HSPG2: variants seen among roughly 807,000 people sequenced by gnomAD.
HSPG2 encodes heparan sulfate proteoglycan 2.
A neutral mutation model predicts 526.6 loss-of-function variants in HSPG2; 278 were observed. The ratio of observed to expected loss-of-function variants is 0.53; its 90% CI spans 0.48 to 0.58. The LOEUF is 0.58. Ranked by LOEUF, HSPG2 falls within the 20% of genes least tolerant of loss-of-function variation. HSPG2 has a pLI of 0.00. For missense variants in HSPG2, 5,354 were observed against 6,099.5 expected (o/e 0.88, Z 4.07); for synonymous variants, 2,465 against 2,555.4 (o/e 0.96, Z 1.07).
intron 1 of HSPG2, among the ~76,000 whole-genome samples, chr1:21,912,697 T>C (rs1643740285): frequency 6.6e-6 from 1 of 152,148 alleles, no homozygotes; most frequent in African/African-American, 2.4e-5. Context: ...TTAATAATTA[T>C]TGCTGGGCGC....
At chr1:21,854,505 G>C (rs1639177090) in intron 49 of HSPG2, 106 bp downstream of exon 49, 1 of 1,455,320 alleles carries the variant, frequency 6.9e-7, no homozygotes, top group African/African-American at 1.4e-5. Flanking sequence ...TCTGCTGGTG[G>C]AACGTGTGGG....
In HSPG2 at chr1:21,843,367, G is replaced by A. The variant is rs146544218; in HGVS notation, c.8688C>T (p.Thr2896=). The stretch of plus-strand genomic sequence containing the variant: ...ATGCCTCCAGGGTGCCTGAGCTTCC[G>A]GTCACTTGGCACGAGTACTCGCCAG... ...ADSGEYSCQV[T]GSSGTLEASV... is the part of the protein sequence containing the mutation. Residue 2896 remains threonine (T), a synonymous_variant, in exon 66 of 97, where the codon ACC becomes ACT. Coordinates refer to ENST00000374695, the MANE Select transcript of HSPG2 (RefSeq NM_005529.7). 1.7e-5 allele frequency: 27 copies of A among 1,614,038 alleles called. No individual in the cohort carries two copies. The highest frequency in any genetic ancestry group is 8.9e-5 in the East Asian group (4 of 44,864).
At chr1:21,921,860 T>C (rs1462152155) in intron 1 of HSPG2, among the ~76,000 whole-genome samples, 1 of 152,100 alleles carries the variant, frequency 6.6e-6, no homozygotes, top group African/African-American at 2.4e-5. Context: ...CTGAGAGCAT[T>C]TACAGAGCCT....
At chr1:21,879,424 T>C (rs758263415) in intron 17 of HSPG2, among the ~76,000 whole-genome samples, 1 of 152,226 alleles carries the variant, frequency 6.6e-6, no homozygotes, top group Non-Finnish European at 1.5e-5. Flanking sequence ...CCGACACCTT[T>C]GCAGGGATTT....
rs1251904246 is a variant in HSPG2, at chr1:21,822,456, T to A, written c.*860A>T. ...GTCGTGAGTCCTGCCTTCCCCCACC[T>A]AAGGCACTAGCTCTTCCTGAGCACC... On this transcript the variant is annotated 3_prime_UTR_variant, in exon 97 of 97. Transcript: ENST00000374695. 1 of 521,828 alleles carries A rather than the reference T, an allele frequency of 1.9e-6. No homozygotes were observed. Among genetic ancestry groups the A allele is most frequent in the African/African-American group, 1.9e-5 (1 of 51,710 alleles). The allele number at this position is 521,828 out of a possible 1,614,324, so 32.3% of individuals were successfully genotyped here.
At position 21,859,432 on chromosome 1, in the gene HSPG2, T is replaced by C; in HGVS notation, c.5293+134A>G. On this transcript the variant is annotated intron_variant, in intron 42 of 96. Coordinates refer to ENST00000374695, the MANE Select transcript of HSPG2 (RefSeq NM_005529.7). The surrounding 1 kb of genome is among the most constrained non-coding windows in gnomAD (Gnocchi z 5.3). Reference sequence around the variant, plus strand: ...GTCTTGAATCTGCCACCTCTCCTCATCTCCATGGCTGCTGACCTTGTTCGG... The same window carrying C: ...GTCTTGAATCTGCCACCTCTCCTCACCTCCATGGCTGCTGACCTTGTTCGG... The C allele has an allele frequency of 1.4e-6, 1 of 722,018 alleles. No homozygotes were observed. The highest frequency in any genetic ancestry group is 2.7e-5 in the East Asian group (1 of 36,842). 44.7% of individuals were successfully genotyped at this position (722,018 alleles called of 1,614,324 possible).
At chr1:21,922,230 G>A (rs1317779792) in intron 1 of HSPG2, among the ~76,000 whole-genome samples, 1 of 152,212 alleles carries the variant, frequency 6.6e-6, no homozygotes, top group Admixed American at 6.5e-5. Context: ...GAGGCTCAGA[G>A]AGGCGAACTC....
intron 33 of HSPG2, chr1:21,869,508 G>A: frequency 1.0e-6 from 1 of 987,474 alleles, no homozygotes; most frequent in Non-Finnish European, 1.2e-6. Flanking sequence ...AGGAAGAGGA[G>A]GAGGAGGAGG....
intron 1 of HSPG2, among the ~76,000 whole-genome samples, chr1:21,934,486 A>G (rs1394824560): frequency 1.3e-5 from 2 of 152,218 alleles, no homozygotes; most frequent in Non-Finnish European, 2.9e-5. Context: ...CTTCAGAGAC[A>G]GGCCAGGCAT....
At chr1:21,841,484 C>A in intron 70 of HSPG2, 55 bp downstream of exon 70, 1 of 1,611,130 alleles carries the variant, frequency 6.2e-7, no homozygotes, top group East Asian at 2.2e-5. Context: ...AGGCTCTGAG[C>A]TGAGAATCAG....
Position 21,823,237 on chromosome 1 carries a change from A to G in HSPG2, c.*79T>C. ...TCGCCTCGGTTTCTTACAAAAATTC[A>G]TAATAATATTAATAATAATATACTC... On this transcript the variant is annotated 3_prime_UTR_variant, in exon 97 of 97. Coordinates refer to ENST00000374695, the MANE Select transcript of HSPG2 (RefSeq NM_005529.7). The G allele has an allele frequency of 2.3e-6, 3 of 1,279,660 alleles. No individual in the cohort carries two copies. Among genetic ancestry groups the G allele is most frequent in the Non-Finnish European group, 3.1e-6 (3 of 975,612 alleles). The allele number at this position is 1,279,660 out of a possible 1,614,324, so 79.3% of individuals were successfully genotyped here.
rs367617288 is a variant in HSPG2, at chr1:21,831,004, C to G, written c.11649G>C (p.Ser3883=). Residue 3883 remains serine (S), a synonymous_variant, in exon 85 of 97, where the codon TCG becomes TCC. Transcript: ENST00000374695. ...TACCTGGATGGCAGTGCAGGGCCTG[C>G]GAGTGCTCACAGCGGCTCCCGGTGA... The part of the protein sequence containing the change: ...AGFTGSRCEH[S]QALHCHPEAC... The G allele has an allele frequency of 6.3e-7, 1 of 1,585,552 alleles. No homozygotes were observed.
intron 1 of HSPG2, among the ~76,000 whole-genome samples, chr1:21,916,958 T>C (rs2925136): frequency 0.013 from 2,034 of 152,292 alleles, 51 homozygotes; most frequent in African/African-American, 0.046. Flanking sequence ...CCATGGTTAT[T>C]GTCAAGGCTG....
In HSPG2 at chr1:21,830,746, G is replaced by A. The variant is rs550800720; in HGVS notation, c.11671+236C>T. On this transcript the variant is annotated intron_variant, in intron 85 of 96. Coordinates refer to ENST00000374695, the MANE Select transcript of HSPG2 (RefSeq NM_005529.7). Reference sequence around the variant, plus strand: ...GGGGGTGGGGGAGTGCCTGGGTGGCGGGGTAGTGGTAAGAATTTGGTCAGC... The same window carrying A: ...GGGGGTGGGGGAGTGCCTGGGTGGCAGGGTAGTGGTAAGAATTTGGTCAGC... 226 of 548,016 alleles carry A rather than the reference G, an allele frequency of 4.1e-4. 1 individual carries two copies. Among genetic ancestry groups the A allele is most frequent in the East Asian group, 1.3e-3 (42 of 33,546 alleles). The allele number at this position is 548,016 out of a possible 1,614,324, so 33.9% of individuals were successfully genotyped here. A position where few individuals can be genotyped will look rare whatever the true frequency, so the allele number is the denominator to read the frequency against.
rs1462960058 is a variant in HSPG2, at chr1:21,879,123, TAGA to T, written c.2344-5_2344-3del. ...CCCCTCCGTGTTGTGCTGGCAATTCTAGAAGAAGGAGGAGGGTATGGCTCAACT... is the reference window on the plus strand; with the variant it reads ...CCCCTCCGTGTTGTGCTGGCAATTCTAGAAGGAGGAGGGTATGGCTCAACT... On this transcript the variant is annotated splice_polypyrimidine_tract_variant and splice_region_variant and intron_variant, in intron 17 of 96. Coordinates refer to ENST00000374695, the MANE Select transcript of HSPG2 (RefSeq NM_005529.7). The T allele has an allele frequency of 6.2e-6, 10 of 1,614,120 alleles. No individual in the cohort carries two copies. Among genetic ancestry groups the T allele is most frequent in the African/African-American group, 1.3e-5 (1 of 74,958 alleles).
chr1:21,874,357 G>A, intron 28 of HSPG2, 49 bp downstream of exon 28: 1 of 1,608,496 alleles, frequency 6.2e-7, no homozygotes, highest in Non-Finnish European at 8.5e-7. Context: ...GTGGGAGCGG[G>A]TGGTAGACAT....
intron 95 of HSPG2, 151 bp downstream of exon 95, chr1:21,823,970 C>T: frequency 1.2e-6 from 1 of 861,736 alleles, no homozygotes; most frequent in Non-Finnish European, 1.9e-6. Flanking sequence ...GAGATGGAAG[C>T]CCGAGCCCTG....
rs770531393 is a variant in HSPG2 at position 21,850,206 on chromosome 1, G to T, written c.7295-14C>A. 6.2e-7 allele frequency: 1 copy of T among 1,613,170 alleles called. No individual in the cohort carries two copies. The highest frequency in any genetic ancestry group is 8.5e-7 in the Non-Finnish European group (1 of 1,180,048). On this transcript the variant is annotated splice_polypyrimidine_tract_variant and intron_variant, in intron 56 of 96. Coordinates refer to ENST00000374695, the MANE Select transcript of HSPG2 (RefSeq NM_005529.7). ...TGACCCCAAGTGCTGGGGACAGAGGGCAAAGGGTCAATAGCCGGCTAGGAG... is the reference window on the plus strand; with the variant it reads ...TGACCCCAAGTGCTGGGGACAGAGGTCAAAGGGTCAATAGCCGGCTAGGAG...
Position 21,823,257 on chromosome 1 carries a change from A to G in HSPG2, c.*59T>C. The G allele has an allele frequency of 7.4e-7, 1 of 1,351,024 alleles. No individual in the cohort carries two copies. The highest frequency in any genetic ancestry group is 1.5e-5 in the African/African-American group (1 of 67,962). 83.7% of individuals were successfully genotyped at this position (1,351,024 alleles called of 1,614,324 possible). A position where few individuals can be genotyped will look rare whatever the true frequency, so the allele number is the denominator to read the frequency against. ...AATTCATAATAATATTAATAATAAT[A>G]TACTCGACATTGTCGGGCTGGGGCG... On this transcript the variant is annotated 3_prime_UTR_variant, in exon 97 of 97. Transcript: ENST00000374695.
Sources: allele counts gnomAD v4.1 joint callset (sites outside exome capture counted in the v4.1 genomes callset), GRCh38; gene constraint gnomAD v4.1.1; non-coding constraint Gnocchi (gnomAD v3.1); transcripts MANE v1.5; gene names NCBI Gene and HGNC (gene_info 2026-07-23, HGNC 2026-07-21).